Variants in LIG1 observed in about 807,000 individuals in gnomAD.
LIG1 encodes the protein DNA ligase 1.
In LIG1, 70 loss-of-function variants were observed where a neutral mutation model predicts 115.7. That is an observed-to-expected ratio of 0.60 (90% CI 0.50 to 0.74). The LOEUF is 0.74. LIG1 is among the 30% of genes least tolerant of loss of function. The pLI is 0.00. For synonymous variants in LIG1, 487 were observed against 495.3 expected, an observed-to-expected ratio of 0.98 and a Z score of 0.22; for missense variants, 1,115 against 1,225.6, an observed-to-expected ratio of 0.91 and a Z score of 1.35.
intron 3 of LIG1, 44 bp from the exon 4 acceptor site, chr19:48,161,551 G>A: frequency 6.2e-7 from 1 of 1,608,268 alleles, no homozygotes; most frequent in Non-Finnish European, 8.5e-7. Context: ...GACTACAGCA[G>A]GCAGAGTGGG....
intron 18 of LIG1, 66 bp from the exon 19 acceptor site, chr19:48,131,237 C>A (rs1328562206): frequency 1.8e-6 from 2 of 1,138,018 alleles, no homozygotes; most frequent in Non-Finnish European, 2.7e-6. Flanking sequence ...GCTTTCTCTT[C>A]TGACCCCACC....
rs576975058 is a variant in LIG1, at chr19:48,116,210, G to A, written c.2584-245C>T. Reference sequence around the variant, plus strand: ...TGTAATCCCAGCACTTTGGGAGGCCGAGGCGGGTGGATCACGAGGTCAGGA... The same window carrying A: ...TGTAATCCCAGCACTTTGGGAGGCCAAGGCGGGTGGATCACGAGGTCAGGA... On this transcript the variant is annotated intron_variant, in intron 26 of 27. Coordinates refer to ENST00000263274, the MANE Select transcript of LIG1 (RefSeq NM_000234.3). 389 of 471,248 alleles carry A rather than the reference G, an allele frequency of 8.3e-4. 1 individual carries two copies. Among genetic ancestry groups the A allele is most frequent in the African/African-American group, 6.7e-3 (340 of 50,892 alleles). 29.2% of individuals were successfully genotyped at this position (471,248 alleles called of 1,614,324 possible). A position where few individuals can be genotyped will look rare whatever the true frequency, so the allele number is the denominator to read the frequency against.
chr19:48,130,047 C>T (rs1167323670), intron 19 of LIG1, among the ~76,000 whole-genome samples: 1 of 152,190 alleles, frequency 6.6e-6, no homozygotes, highest in African/African-American at 2.4e-5. Flanking sequence ...TGGGCCACTG[C>T]GCCCAGCGGA....
chr19:48,149,535 C>T lies in LIG1; in HGVS notation c.776+228G>A, dbSNP rs1243030474. ...AGAGGGTGGCTGGGGCCACGGTCAG[C>T]AAACTCCGACCCTGGACCGTTTCTA... On this transcript the variant is annotated intron_variant, in intron 9 of 27. Transcript: ENST00000263274. Among the ~76,000 whole-genome samples, 4 of 152,202 alleles carry T rather than the reference C, an allele frequency of 2.6e-5. No homozygotes were observed. In the East Asian group the frequency reaches 7.7e-4, roughly 29 times the overall value.
At chr19:48,166,351 T>G (rs1268127246) in intron 1 of LIG1, among the ~76,000 whole-genome samples, 1 of 152,014 alleles carries the variant, frequency 6.6e-6, no homozygotes, top group Non-Finnish European at 1.5e-5. Flanking sequence ...GACCCGAGAT[T>G]GTGCTACTGC....
chr19:48,120,929 T>C (rs1466090791), intron 24 of LIG1: 1 of 1,351,306 alleles, frequency 7.4e-7, no homozygotes, highest in Non-Finnish European at 9.5e-7. Flanking sequence ...CCACCACTAT[T>C]TGTAGCTAAT....
intron 14 of LIG1, among the ~76,000 whole-genome samples, 153 bp from the exon 15 acceptor site, chr19:48,136,278 A>G (rs541053403): frequency 6.6e-6 from 1 of 152,300 alleles, no homozygotes; most frequent in African/African-American, 2.4e-5. Flanking sequence ...CAGATATCAC[A>G]CAGCCCCATG....
chr19:48,150,055 C>A (rs747219066), intron 8 of LIG1, 33 bp downstream of exon 8: 76 of 1,613,984 alleles, frequency 4.7e-5, no homozygotes, highest in East Asian at 2.2e-5. Flanking sequence ...GCCTGTACAA[C>A]CCCGGGAGGT....
rs1307882750 is a variant in LIG1 at position 48,115,938 on chromosome 19, G to A, written c.2611C>T (p.Arg871Cys). Residue 871 changes from arginine to cysteine, a missense_variant, in exon 27 of 28, where the codon CGC (arginine) becomes TGC (cysteine). By Grantham distance (180) the Arg-to-Cys change is radical. Transcript: ENST00000263274. ...CGGACTCGAATAAACCGAGGGAAGC[G>A]AAGGGAGATGCCCTTGTCACTATCC... is the stretch of plus-strand genomic sequence containing the variant. ...LVDSDKGISL[R>C]FPRFIRVRED... The A allele has an allele frequency of 7.4e-6, 12 of 1,613,798 alleles. No homozygotes were observed. The highest frequency in any genetic ancestry group is 2.2e-5 in the East Asian group (1 of 44,886).
intron 5 of LIG1, chr19:48,154,394 C>CTGT: frequency 4.0e-6 from 1 of 249,450 alleles, no homozygotes; most frequent in Non-Finnish European, 8.1e-6. Flanking sequence ...GGCCCTCACC[C>CTGT]CACGATCGGC....
intron 26 of LIG1, 113 bp downstream of exon 26, chr19:48,117,525 C>T (rs2032934351): frequency 8.5e-7 from 1 of 1,181,090 alleles, no homozygotes; most frequent in Non-Finnish European, 1.2e-6. Flanking sequence ...AGCTCATCTT[C>T]CTGATCCTTA....
intron 1 of LIG1, chr19:48,169,915 C>CCCG (rs1568568139): frequency 6.9e-6 from 1 of 144,424 alleles, no homozygotes; most frequent in African/African-American, 2.7e-5. Context: ...CAGTTTTCCC[C>CCCG]CCCCCGGCCC....
Position 48,122,909 on chromosome 19 carries a change from G to A in LIG1, c.2232+25C>T. Reference sequence around the variant, plus strand: ...AGACCTCCAGACCCGGGGTGGAGAAGGCCCAGTTGGGGGTCGAGAATCACC... The same window carrying A: ...AGACCTCCAGACCCGGGGTGGAGAAAGCCCAGTTGGGGGTCGAGAATCACC... On this transcript the variant is annotated intron_variant, in intron 23 of 27. Coordinates refer to ENST00000263274, the MANE Select transcript of LIG1 (RefSeq NM_000234.3). The surrounding 1 kb of genome is among the most constrained non-coding windows in gnomAD (Gnocchi z 4.3). 1.2e-6 allele frequency: 2 copies of A among 1,610,562 alleles called. No individual in the cohort carries two copies. Among genetic ancestry groups the A allele is most frequent in the African/African-American group, 2.7e-5 (2 of 74,848 alleles).
At chr19:48,140,475 G>A (rs2034670124) in intron 11 of LIG1, among the ~76,000 whole-genome samples, 1 of 152,188 alleles carries the variant, frequency 6.6e-6, no homozygotes, top group African/African-American at 2.4e-5. Context: ...TTGGTTCGTG[G>A]CTTGACTCTG....
In LIG1 at chr19:48,119,131, G is replaced by A; in HGVS notation, c.2439+6C>T. Reference sequence around the variant, plus strand: ...TGGAGGCTGAGGCGCAGCCGCCATGGCTCACCTTGAGGCTCTGGTGATGCT... The same window carrying A: ...TGGAGGCTGAGGCGCAGCCGCCATGACTCACCTTGAGGCTCTGGTGATGCT... On this transcript the variant is annotated splice_donor_region_variant and intron_variant, in intron 25 of 27. Coordinates refer to ENST00000263274, the MANE Select transcript of LIG1 (RefSeq NM_000234.3). 6.3e-7 allele frequency: 1 copy of A among 1,575,978 alleles called. No individual in the cohort carries two copies.
rs150631812 is a variant in LIG1, at chr19:48,163,017, C to T, written c.18-666G>A. The stretch of plus-strand genomic sequence containing the variant: ...GCAACTTCTGCCTCCCAGGTTCAAG[C>T]GATTCTCCTGCCTCAGCCTCCCGAG... On this transcript the variant is annotated intron_variant, in intron 2 of 27. Transcript: ENST00000263274. Among the ~76,000 whole-genome samples, 481 of 150,510 alleles carry T rather than the reference C, an allele frequency of 3.2e-3. 3 individuals are homozygous for T. The highest frequency in any genetic ancestry group is 0.01 in the African/African-American group (411 of 40,766).
chr19:48,136,707 C>T (rs1436936341), intron 14 of LIG1, among the ~76,000 whole-genome samples: 1 of 152,192 alleles, frequency 6.6e-6, no homozygotes, highest in African/African-American at 2.4e-5. Context: ...GGCAAACAAA[C>T]CCTGGCTTCC....
At chr19:48,133,371 C>A (rs1199959962) in intron 17 of LIG1, 2 of 478,798 alleles carry the variant, frequency 4.2e-6, no homozygotes, top group Non-Finnish European at 7.7e-6. Context: ...GCCTCCCCTC[C>A]CTCCTCTGCG....
chr19:48,164,527 G>A (rs2036369370), intron 2 of LIG1, among the ~76,000 whole-genome samples: 1 of 152,186 alleles, frequency 6.6e-6, no homozygotes, highest in Non-Finnish European at 1.5e-5. Flanking sequence ...CATCCCTGTG[G>A]CTGGTTCAGG....
Sources: gnomAD v4.1 joint callset for allele counts (sites outside exome capture counted in the v4.1 genomes callset) on GRCh38, gnomAD v4.1.1 for gene constraint, Gnocchi (gnomAD v3.1) non-coding constraint, MANE v1.5 for transcripts, NCBI Gene and HGNC (gene_info 2026-07-23, HGNC 2026-07-21) for gene names.